TAFA2: variants seen among roughly 807,000 people sequenced by gnomAD.
The protein encoded by TAFA2 is chemokine-like protein TAFA-2.
Under a neutral mutation model 18.8 loss-of-function variants are expected in TAFA2, and 7 were observed. That is an observed-to-expected ratio of 0.37 (90% CI 0.21 to 0.70). TAFA2 has a LOEUF of 0.70. TAFA2 is among the 30% of genes least tolerant of loss of function. The pLI, the probability that TAFA2 is intolerant of heterozygous loss-of-function variation, is 0.53. For missense variants in TAFA2, 122 were observed against 158.1 expected (o/e 0.77, Z 1.23); for synonymous variants, 60 against 54.2 (o/e 1.11, Z -0.47).
At chr12:61,950,709 CT>C (rs1332536565) in intron 1 of TAFA2, among the ~76,000 whole-genome samples, 2 of 152,038 alleles carry the variant, frequency 1.3e-5, no homozygotes, top group African/African-American at 2.4e-5. Context: ...AAAATAATAA[CT>C]TTATTGTTTC....
intron 1 of TAFA2, among the ~76,000 whole-genome samples, chr12:62,076,493 CT>C (rs1868249319): frequency 6.6e-6 from 1 of 152,062 alleles, no homozygotes; most frequent in South Asian, 2.1e-4. Flanking sequence ...CTAAGATTTT[CT>C]TTAGGGTTTT....
At chr12:61,961,848 G>A (rs943761581) in intron 1 of TAFA2, among the ~76,000 whole-genome samples, 5 of 151,944 alleles carry the variant, frequency 3.3e-5, no homozygotes, top group Admixed American at 6.6e-5. Flanking sequence ...CAAGATTTCC[G>A]AAATTCATTT....
chr12:62,046,344 C>T (rs757580305), intron 1 of TAFA2, among the ~76,000 whole-genome samples: 2 of 151,848 alleles, frequency 1.3e-5, no homozygotes, highest in Non-Finnish European at 2.9e-5. Flanking sequence ...AAAAAAGATA[C>T]CATAAAAGCT....
intron 1 of TAFA2, among the ~76,000 whole-genome samples, chr12:61,960,150 T>C (rs999830629): frequency 3.3e-5 from 5 of 152,122 alleles, no homozygotes; most frequent in Admixed American, 3.3e-4. Context: ...TATTTAAATA[T>C]CTTGATAATT....
chr12:62,101,036 C>T (rs760026220), intron 1 of TAFA2, among the ~76,000 whole-genome samples: 1 of 152,124 alleles, frequency 6.6e-6, no homozygotes, highest in Non-Finnish European at 1.5e-5. Flanking sequence ...CTTGCAGACA[C>T]TTCAGATATA....
intron 4 of TAFA2, among the ~76,000 whole-genome samples, chr12:61,714,750 A>G (rs1035398209): frequency 1.7e-4 from 26 of 152,232 alleles, no homozygotes; most frequent in African/African-American, 6.0e-4. Flanking sequence ...GAAATTCAAT[A>G]ATCTATTCTG....
chr12:62,157,201 T>C (rs1280955703), intron 1 of TAFA2, among the ~76,000 whole-genome samples: 1 of 152,184 alleles, frequency 6.6e-6, no homozygotes, highest in Non-Finnish European at 1.5e-5. Flanking sequence ...AATAGACTTA[T>C]TGTGTTTTTT....
chr12:62,203,262 T>G (rs1175369683), intron 1 of TAFA2, among the ~76,000 whole-genome samples: 1 of 152,250 alleles, frequency 6.6e-6, no homozygotes, highest in Non-Finnish European at 1.5e-5. Context: ...TCCAATTATG[T>G]GATTAAGTTT....
At chr12:62,036,367 C>T (rs1407320131) in intron 1 of TAFA2, among the ~76,000 whole-genome samples, 3 of 152,190 alleles carry the variant, frequency 2.0e-5, no homozygotes, top group African/African-American at 4.8e-5. Context: ...CAAAATGCTG[C>T]AGCTGCCAGA....
intron 2 of TAFA2, among the ~76,000 whole-genome samples, chr12:61,764,427 C>A (rs1465473549): frequency 6.6e-6 from 1 of 151,948 alleles, no homozygotes; most frequent in Non-Finnish European, 1.5e-5. Flanking sequence ...GTAGTGCAGA[C>A]CAAGTGCTTT....
At chr12:61,812,402 G>T (rs992813143) in intron 2 of TAFA2, among the ~76,000 whole-genome samples, 7 of 151,294 alleles carry the variant, frequency 4.6e-5, no homozygotes, top group Non-Finnish European at 1.0e-4. Flanking sequence ...TAAAAGTACT[G>T]CCAGAATAAA....
At chr12:62,241,455 CA>C (rs1363862095) in intron 1 of TAFA2, among the ~76,000 whole-genome samples, 2 of 152,226 alleles carry the variant, frequency 1.3e-5, no homozygotes, top group African/African-American at 4.8e-5. Context: ...ATGGCTGACT[CA>C]GGCAGTCTGA....
At chr12:61,938,428 G>A (rs1877863937) in intron 1 of TAFA2, among the ~76,000 whole-genome samples, 1 of 152,012 alleles carries the variant, frequency 6.6e-6, no homozygotes, top group African/African-American at 2.4e-5. Flanking sequence ...TTGTCACCCA[G>A]GTACACAGAG....
chr12:61,879,721 G>C (rs1875033820), intron 1 of TAFA2: 2 of 1,154,496 alleles, frequency 1.7e-6, no homozygotes, highest in Non-Finnish European at 2.6e-6. Flanking sequence ...AGATGGCTCA[G>C]AGCAACATGG....
At chr12:61,724,523 T>C (rs1870049230) in intron 4 of TAFA2, among the ~76,000 whole-genome samples, 1 of 151,978 alleles carries the variant, frequency 6.6e-6, no homozygotes, top group Non-Finnish European at 1.5e-5. Context: ...TGTAGTCTTT[T>C]ATACCTCACC....
intron 1 of TAFA2, among the ~76,000 whole-genome samples, chr12:62,149,685 T>C (rs530834854): frequency 3.4e-4 from 51 of 151,578 alleles, no homozygotes; most frequent in Non-Finnish European, 6.0e-4. Flanking sequence ...ATAAAAAAAG[T>C]ATATTAATAA....
In TAFA2 at chr12:62,145,377, C is replaced by T. The variant is rs115163979; in HGVS notation, c.-2+45882G>A. ...CTGCGCATGCAAGGAATCCGGGATG[C>T]GTGCTCCTTATGAAAATCTAACTAA... is the stretch of plus-strand genomic sequence containing the variant. On this transcript the variant is annotated intron_variant, in intron 1 of 4. Coordinates refer to ENST00000416284, the MANE Select transcript of TAFA2 (RefSeq NM_178539.5). Among the ~76,000 whole-genome samples the T allele has an allele frequency of 2.0e-3, 309 of 152,312 alleles. 2 individuals carry two copies. Among genetic ancestry groups the T allele is most frequent in the African/African-American group, 7.1e-3 (297 of 41,566 alleles).
chr12:61,760,098 C>T (rs1415391155), intron 2 of TAFA2, among the ~76,000 whole-genome samples: 1 of 142,592 alleles, frequency 7.0e-6, no homozygotes, highest in African/African-American at 2.6e-5. Flanking sequence ...TTTTCACTGC[C>T]TATGAACAAA....
intron 2 of TAFA2, among the ~76,000 whole-genome samples, chr12:61,816,615 T>C (rs1267032135): frequency 2.6e-5 from 4 of 151,360 alleles, no homozygotes; most frequent in African/African-American, 9.8e-5. Context: ...TCAACAATGG[T>C]TGAACTAATT....
Sources: gnomAD v4.1 joint callset for allele counts (sites outside exome capture counted in the v4.1 genomes callset) on GRCh38, gnomAD v4.1.1 for gene constraint, MANE v1.5 for transcripts, NCBI Gene and HGNC (gene_info 2026-07-23, HGNC 2026-07-21) for gene names.